Variants in EVL observed in about 807,000 individuals in gnomAD.
The protein encoded by EVL is ena/VASP-like protein.
In EVL, 21 loss-of-function variants were observed where a neutral mutation model predicts 59.6. The ratio of observed to expected loss-of-function variants is 0.35; its 90% CI spans 0.25 to 0.51. The LOEUF (loss-of-function observed/expected upper bound fraction) is 0.51. Among genes scored for constraint, EVL ranks in the 20% least tolerant of loss-of-function variants. EVL has a pLI of 0.97. For synonymous variants in EVL, 198 were observed against 203.5 expected (o/e 0.97, Z 0.23); for missense variants, 462 against 546.6 (o/e 0.85, Z 1.54).
At chr14:100,074,396 T>C (rs1314684654) in intron 1 of EVL, 2 of 152,166 alleles carry the variant, frequency 1.3e-5, no homozygotes, top group Admixed American at 6.5e-5. Context: ...ATCTGCTGGG[T>C]GCTAATCATG....
chr14:100,103,762 C>G (rs1025359492), intron 3 of EVL, among the ~76,000 whole-genome samples: 3 of 152,196 alleles, frequency 2.0e-5, no homozygotes, highest in African/African-American at 7.2e-5. Context: ...AGCAGCTGAC[C>G]TGGATCCCCA....
At chr14:99,984,339 C>G (rs1024819758) in intron 1 of EVL, among the ~76,000 whole-genome samples, 1 of 152,104 alleles carries the variant, frequency 6.6e-6, no homozygotes, top group Non-Finnish European at 1.5e-5. Context: ...CTTAGTATCC[C>G]AGATGTTTCT....
intron 1 of EVL, among the ~76,000 whole-genome samples, chr14:99,978,875 C>T (rs373963201): frequency 6.6e-6 from 1 of 152,186 alleles, no homozygotes; most frequent in Non-Finnish European, 1.5e-5. Flanking sequence ...AGCCATAACG[C>T]TGGAGATGCA....
intron 3 of EVL, 65 bp downstream of exon 3, chr14:100,097,723 A>C: frequency 6.8e-7 from 1 of 1,478,682 alleles, no homozygotes; most frequent in Non-Finnish European, 9.1e-7. Context: ...GCCCTCCCAC[A>C]GCTCTGGCTC....
At chr14:100,007,462 TC>T (rs761872211) in intron 1 of EVL, among the ~76,000 whole-genome samples, 5 of 152,202 alleles carry the variant, frequency 3.3e-5, no homozygotes, top group Non-Finnish European at 7.3e-5. Flanking sequence ...AGATTTATTT[TC>T]CTTTCACAGG....
chr14:100,027,345 A>G (rs2061231131), intron 1 of EVL, among the ~76,000 whole-genome samples: 1 of 152,068 alleles, frequency 6.6e-6, no homozygotes, highest in African/African-American at 2.4e-5. Context: ...ACTAAATCTT[A>G]TTCCTTCTAT....
intron 1 of EVL, among the ~76,000 whole-genome samples, chr14:100,073,964 C>T (rs1281874392): frequency 4.2e-5 from 6 of 141,292 alleles, no homozygotes; most frequent in Admixed American, 3.5e-4. Context: ...CGAGGGTGTG[C>T]ATTAGCATTC....
At chr14:99,992,017 A>G (rs750411399) in intron 1 of EVL, among the ~76,000 whole-genome samples, 32 of 147,814 alleles carry the variant, frequency 2.2e-4, no homozygotes, top group Non-Finnish European at 4.0e-4. Context: ...GCTGCATCAT[A>G]TGGTAATTTT....
At chr14:100,046,838 C>T (rs569074799) in intron 1 of EVL, among the ~76,000 whole-genome samples, 43 of 150,218 alleles carry the variant, frequency 2.9e-4, no homozygotes, top group African/African-American at 9.7e-4. Context: ...CTGCAACCTC[C>T]GCCTCCTGGG....
At position 99,972,308 on chromosome 14, in the gene EVL, G is replaced by A. The variant is rs1006090998; in HGVS notation, c.5+251G>A. ...GGGGGGCAGTGTTCTGCAAGGGGCA[G>A]GCGGCGCTGGCTTTGGCTGCTTGTG... On this transcript the variant is annotated intron_variant, in intron 1 of 13. Transcript: ENST00000402714. This position sits in a 1 kb window ranked among gnomAD's most constrained non-coding sequence, Gnocchi z 4.4. Among the ~76,000 whole-genome samples, 13 of 152,144 alleles carry A rather than the reference G, an allele frequency of 8.5e-5. No homozygotes were observed. The highest frequency in any genetic ancestry group is 1.6e-4 in the Non-Finnish European group (11 of 68,010).
At position 100,108,385 on chromosome 14, in the gene EVL, G is replaced by A. The variant is rs1209090734; in HGVS notation, c.358+10727G>A. ...GACTGTCTTCATCTCCCTGGCTGCC[G>A]AGGCCATTTGACACCTTGTGCCACC... On this transcript the variant is annotated intron_variant, in intron 3 of 13. Coordinates refer to ENST00000392920, the MANE Select transcript of EVL (RefSeq NM_016337.3). The surrounding 1 kb of genome is among the most constrained non-coding windows in gnomAD (Gnocchi z 4.1). Among the ~76,000 whole-genome samples the A allele has an allele frequency of 6.6e-6, 1 of 152,198 alleles. No individual in the cohort carries two copies. The highest frequency in any genetic ancestry group is 1.5e-5 in the Non-Finnish European group (1 of 68,032).
intron 1 of EVL, among the ~76,000 whole-genome samples, chr14:99,979,105 T>C (rs566042640): frequency 6.6e-6 from 1 of 152,304 alleles, no homozygotes; most frequent in East Asian, 1.9e-4. Context: ...TGTCTGGTAC[T>C]GGATTAGATG....
chr14:100,052,808 T>G (rs773222407), intron 1 of EVL: 2 of 151,970 alleles, frequency 1.3e-5, no homozygotes, highest in Non-Finnish European at 2.9e-5. Context: ...AGAAGGTATG[T>G]GTATTAGTCT....
At chr14:100,060,304 G>C (rs1314761314) in intron 1 of EVL, among the ~76,000 whole-genome samples, 1 of 151,926 alleles carries the variant, frequency 6.6e-6, no homozygotes, top group Non-Finnish European at 1.5e-5. Flanking sequence ...GGTGGCGGGC[G>C]CCTGTAGTCC....
intron 8 of EVL, among the ~76,000 whole-genome samples, chr14:100,133,610 G>A (rs1218047410): frequency 6.6e-6 from 1 of 152,152 alleles, no homozygotes; most frequent in Non-Finnish European, 1.5e-5. Flanking sequence ...CTCCCATTCA[G>A]CCTGCACTTC....
In EVL at chr14:100,092,068, G is replaced by A. The variant is rs1025248048; in HGVS notation, c.181-5413G>A. Among the ~76,000 whole-genome samples, 16 of 151,850 alleles carry A rather than the reference G, an allele frequency of 1.1e-4. 1 individual carries two copies. The highest frequency in any genetic ancestry group is 2.0e-4 in the Admixed American group (3 of 15,244). ...AGCCTGGGCAACATAGCAAGACCTC[G>A]TCTCTACAAATAAAAAAGTTGTAAA... On this transcript the variant is annotated intron_variant, in intron 2 of 13. Coordinates refer to ENST00000392920, the MANE Select transcript of EVL (RefSeq NM_016337.3).
chr14:100,049,123 G>A (rs189780645), intron 1 of EVL, among the ~76,000 whole-genome samples: 7 of 152,300 alleles, frequency 4.6e-5, no homozygotes, highest in Admixed American at 3.9e-4. Flanking sequence ...AATTTAAGTG[G>A]TGAAGTAGTT....
chr14:100,134,358 A>G (rs1300477362), intron 8 of EVL, among the ~76,000 whole-genome samples: 3 of 152,210 alleles, frequency 2.0e-5, no homozygotes, highest in Non-Finnish European at 2.9e-5. Flanking sequence ...TCTAAGAAGA[A>G]TGGATTTCAA....
At chr14:100,125,095 GACAC>G (rs941339512) in intron 4 of EVL, among the ~76,000 whole-genome samples, 6 of 102,590 alleles carry the variant, frequency 5.8e-5, no homozygotes, top group South Asian at 3.1e-4. Flanking sequence ...CACAGACACA[GACAC>G]ACACACCTGC....
Sources: gnomAD v4.1 joint callset for allele counts (sites outside exome capture counted in the v4.1 genomes callset) on GRCh38, gnomAD v4.1.1 for gene constraint, Gnocchi (gnomAD v3.1) non-coding constraint, MANE v1.5 for transcripts, NCBI Gene and HGNC (gene_info 2026-07-23, HGNC 2026-07-21) for gene names.